The following ULK4 variants were observed in gnomAD, a reference collection of about 807,000 sequenced individuals.
ULK4 encodes the protein inactive serine/threonine-protein kinase ULK4.
In ULK4, 133 loss-of-function variants were observed where a neutral mutation model predicts 160.6. The ratio of observed to expected loss-of-function variants is 0.83; its 90% confidence interval spans 0.72 to 0.96. The LOEUF is 0.96. Ranked by LOEUF, ULK4 falls within the 40% of genes least tolerant of loss-of-function variation. ULK4 has a pLI of 0.00. For missense variants in ULK4, 1,580 were observed against 1,499.5 expected, an observed-to-expected ratio of 1.05 and a Z score of -0.89; for synonymous variants, 534 against 539.8, an observed-to-expected ratio of 0.99 and a Z score of 0.15.
At chr3:41,388,841 T>C (rs2081885841) in intron 35 of ULK4, among the ~76,000 whole-genome samples, 4 of 152,208 alleles carry the variant, frequency 2.6e-5, no homozygotes, top group African/African-American at 9.6e-5. Flanking sequence ...TGGCTTAGGA[T>C]TGACTTGGCT....
At chr3:41,762,582 G>A (rs968593741) in intron 21 of ULK4, among the ~76,000 whole-genome samples, 1 of 150,538 alleles carries the variant, frequency 6.6e-6, no homozygotes, top group Non-Finnish European at 1.5e-5. Context: ...AGTCATGGTA[G>A]AAGGTGAAGG....
intron 2 of ULK4, among the ~76,000 whole-genome samples, chr3:41,944,220 G>A (rs1215799108): frequency 6.6e-6 from 1 of 152,184 alleles, no homozygotes; most frequent in African/African-American, 2.4e-5. Flanking sequence ...AGTTCAATAA[G>A]GATAGCAGAG....
chr3:41,427,074 A>G (rs1262038746), intron 34 of ULK4, among the ~76,000 whole-genome samples: 2 of 152,214 alleles, frequency 1.3e-5, no homozygotes, highest in Non-Finnish European at 2.9e-5. Flanking sequence ...AAAATGATAA[A>G]GGGGATATCA....
At chr3:41,934,804 A>C (rs904532096) in intron 4 of ULK4, among the ~76,000 whole-genome samples, 1 of 151,798 alleles carries the variant, frequency 6.6e-6, no homozygotes, top group African/African-American at 2.4e-5. Context: ...ATAGCCAAGA[A>C]TGCCACTATC....
At chr3:41,598,708 C>G (rs1031046231) in intron 31 of ULK4, among the ~76,000 whole-genome samples, 1 of 152,032 alleles carries the variant, frequency 6.6e-6, no homozygotes, top group Non-Finnish European at 1.5e-5. Context: ...CATTTAATCT[C>G]AGTCGCTGCT....
At chr3:41,734,959 A>G (rs1451039448) in intron 22 of ULK4, among the ~76,000 whole-genome samples, 1 of 152,114 alleles carries the variant, frequency 6.6e-6, no homozygotes, top group East Asian at 1.9e-4. Flanking sequence ...GGAACAAGAC[A>G]AGTTTTGGCT....
At chr3:41,800,374 T>C in intron 19 of ULK4, 81 bp from the exon 20 acceptor site, 2 of 1,420,692 alleles carry the variant, frequency 1.4e-6, no homozygotes, top group Non-Finnish European at 1.9e-6. Context: ...TAAATAATGT[T>C]ATGATACCAA....
At chr3:41,272,227 A>T (rs114287251) in intron 35 of ULK4, among the ~76,000 whole-genome samples, 2,729 of 151,852 alleles carry the variant, frequency 0.018, 74 homozygotes, top group African/African-American at 0.062. Context: ...CCAGATTTTA[A>T]TTTGGTATCA....
chr3:41,832,249 G>A (rs1041157692), intron 18 of ULK4, among the ~76,000 whole-genome samples: 9 of 152,122 alleles, frequency 5.9e-5, no homozygotes, highest in South Asian at 2.1e-4. Context: ...GGTGTGAGAC[G>A]GTATCTCATT....
At chr3:41,641,285 G>T (rs1298989976) in intron 30 of ULK4, among the ~76,000 whole-genome samples, 1 of 152,204 alleles carries the variant, frequency 6.6e-6, no homozygotes, top group East Asian at 1.9e-4. Context: ...CCATTCAGAA[G>T]ATAAAATCCT....
chr3:41,556,563 C>G (rs1365337975), intron 32 of ULK4, among the ~76,000 whole-genome samples: 1 of 144,568 alleles, frequency 6.9e-6, no homozygotes, highest in African/African-American at 2.6e-5. Flanking sequence ...TATTGGCTCA[C>G]TGCAACCTCC....
At chr3:41,829,511 A>G (rs2041494757) in intron 18 of ULK4, among the ~76,000 whole-genome samples, 2 of 152,208 alleles carry the variant, frequency 1.3e-5, no homozygotes, top group African/African-American at 4.8e-5. Context: ...TCTCAAAAGA[A>G]GACATTTATG....
At chr3:41,599,132 T>A (rs1371985871) in intron 31 of ULK4, among the ~76,000 whole-genome samples, 2 of 152,236 alleles carry the variant, frequency 1.3e-5, no homozygotes, top group Non-Finnish European at 2.9e-5. Context: ...TGAAGAAGCC[T>A]TGTGACTGCA....
At chr3:41,900,575 GC>G (rs1698315390) in intron 13 of ULK4, 149 bp downstream of exon 13, 2 of 621,246 alleles carry the variant, frequency 3.2e-6, no homozygotes, top group African/African-American at 3.7e-5. Flanking sequence ...AGGGGGAGCT[GC>G]AAATGCAGAC....
intron 33 of ULK4, among the ~76,000 whole-genome samples, chr3:41,461,028 T>A (rs1377888510): frequency 1.3e-5 from 2 of 152,078 alleles, no homozygotes; most frequent in Non-Finnish European, 2.9e-5. Context: ...TGTCTCTGCC[T>A]CCATTATCTT....
chr3:41,775,319 A>C (rs542274837), intron 21 of ULK4, among the ~76,000 whole-genome samples: 1 of 150,806 alleles, frequency 6.6e-6, no homozygotes, highest in African/African-American at 2.5e-5. Flanking sequence ...CCATTCAGTA[A>C]ACAAAATTTA....
At chr3:41,442,221 C>G (rs2083188087) in intron 34 of ULK4, among the ~76,000 whole-genome samples, 1 of 151,984 alleles carries the variant, frequency 6.6e-6, no homozygotes, top group African/African-American at 2.4e-5. Context: ...CAGGACAGGA[C>G]AGAGGAGGTA....
intron 32 of ULK4, 144 bp downstream of exon 32, chr3:41,565,881 C>A: frequency 5.0e-6 from 3 of 599,396 alleles, no homozygotes; most frequent in Non-Finnish European, 8.6e-6. Flanking sequence ...CCCACAATTC[C>A]AAATTTTGCT....
At position 41,566,051 on chromosome 3, in the gene ULK4, G is replaced by C; in HGVS notation, c.3200C>G (p.Ser1067Trp). 3 of 1,613,228 alleles carry C rather than the reference G, an allele frequency of 1.9e-6. No individual in the cohort carries two copies. In the South Asian group the frequency reaches 3.3e-5, roughly 18 times the overall value. The part of the protein sequence containing the change: ...LLSNLVACKD[S>W]NMELLYEQGL... ...TTGTTCATAAAGTAGTTCCATATTCGAATCTTTGCAGGCAACTAGATTGCT... is the reference window on the plus strand; with the variant it reads ...TTGTTCATAAAGTAGTTCCATATTCCAATCTTTGCAGGCAACTAGATTGCT... Residue 1067 changes from serine to tryptophan, a missense_variant, in exon 32 of 37, where the codon TCG becomes TGG. By Grantham distance (177) the Ser-to-Trp change is radical. Coordinates refer to ENST00000301831, the MANE Select transcript of ULK4 (RefSeq NM_017886.4).
Sources: gnomAD v4.1 joint callset for allele counts (sites outside exome capture counted in the v4.1 genomes callset) on GRCh38, gnomAD v4.1.1 for gene constraint, MANE v1.5 for transcripts, NCBI Gene and HGNC (gene_info 2026-07-23, HGNC 2026-07-21) for gene names.